The following BAAT variants were observed in gnomAD, a reference collection of about 807,000 sequenced individuals.
The protein encoded by BAAT is bile acid-CoA:amino acid N-acyltransferase.
Under a neutral mutation model 18.9 loss-of-function variants are expected in BAAT, and 13 were observed. That is an observed-to-expected ratio of 0.69 (90% confidence interval 0.45 to 1.10). The LOEUF (loss-of-function observed/expected upper bound fraction) is 1.10. Among genes scored for constraint, BAAT ranks in the 50% least tolerant of loss-of-function variants. BAAT has a pLI of 0.00. For missense variants in BAAT, 489 were observed against 504.0 expected (o/e 0.97, Z 0.28); for synonymous variants, 170 against 190.7 (o/e 0.89, Z 0.89).
intron 1 of BAAT, among the ~76,000 whole-genome samples, chr9:101,383,796 A>T (rs1830164825): frequency 6.6e-6 from 1 of 152,176 alleles, no homozygotes; most frequent in Admixed American, 6.6e-5. Context: ...TGGCACCATT[A>T]GGGCATATTT....
rs144591246 is a variant in BAAT at position 101,370,996 on chromosome 9, C to T, written c.409G>A (p.Val137Ile). 2.4e-3 allele frequency: 3,794 copies of T among 1,614,132 alleles called. 30 individuals are homozygous for T. Among genetic ancestry groups the T allele is most frequent in the Non-Finnish European group, 2.7e-3 (3,240 of 1,180,012 alleles). Residue 137 changes from valine to isoleucine, a missense_variant, in exon 2 of 4, where the codon GTC (valine) becomes ATC (isoleucine). Val to Ile is a conservative substitution (Grantham distance 29). Transcript: ENST00000259407. ...CCTTCTCGAACCTTAATTCGTGTGA[C>T]ACCAGGTGCCACATACCACCTCTCC... ...TLERWYVAPG[V>I]TRIKVREGRL...
chr9:101,362,449 T>C lies in BAAT; in HGVS notation c.1236A>G (p.Pro412=). 1.9e-6 allele frequency: 3 copies of C among 1,614,128 alleles called. No homozygotes were observed. Among genetic ancestry groups the C allele is most frequent in the African/African-American group, 1.3e-5 (1 of 75,044 alleles). The change falls in exon 4 of 4, where the codon CCA becomes CCG. Residue 412 remains proline (P), a synonymous_variant. Coordinates refer to ENST00000259407, the MANE Select transcript of BAAT (RefSeq NM_001701.4). Reference sequence around the variant, plus strand: ...CTTCTTAGAGTTGACTGGTCACATCTGGAATGAGGTGCTTCCTGAGAAATC... The same window carrying C: ...CTTCTTAGAGTTGACTGGTCACATCCGGAATGAGGTGCTTCCTGAGAAATC... ...IQRFLRKHLI[P]DVTSQL is the part of the protein sequence containing the mutation.
Position 101,362,403 on chromosome 9 carries a change from T to C in BAAT, c.*25A>G. On this transcript the variant is annotated 3_prime_UTR_variant, in exon 4 of 4. Coordinates refer to ENST00000259407, the MANE Select transcript of BAAT (RefSeq NM_001701.4). ...GTCCCGGTAAAGAGATTTGCTTCTT[T>C]ATTTTCTAGGAATATCTAGTCTTCT... The C allele has an allele frequency of 3.7e-6, 6 of 1,610,060 alleles. No homozygotes were observed. Among genetic ancestry groups the C allele is most frequent in the Non-Finnish European group, 4.2e-6 (5 of 1,176,722 alleles).
intron 3 of BAAT, among the ~76,000 whole-genome samples, chr9:101,365,195 CCTAGAGAGAAGCATCA>C (rs1829806277): frequency 6.6e-6 from 1 of 152,132 alleles, no homozygotes; most frequent in Non-Finnish European, 1.5e-5. Context: ...AGGACAGAGT[CCTAGAGAGAAGCATCA>C]CTTTTCTAAA....
At position 101,362,391 on chromosome 9, in the gene BAAT, G is replaced by C. The variant is rs775679039; in HGVS notation, c.*37C>G. 1 of 1,596,346 alleles carries C rather than the reference G, an allele frequency of 6.3e-7. No homozygotes were observed. Among genetic ancestry groups the C allele is most frequent in the Non-Finnish European group, 8.6e-7 (1 of 1,165,134 alleles). ...AATTGAGAGAAGGTCCCGGTAAAGA[G>C]ATTTGCTTCTTTATTTTCTAGGAAT... On this transcript the variant is annotated 3_prime_UTR_variant, in exon 4 of 4. Transcript: ENST00000259407.
intron 2 of BAAT, among the ~76,000 whole-genome samples, chr9:101,368,606 C>T (rs1028403360): frequency 4.6e-5 from 7 of 152,034 alleles, no homozygotes; most frequent in Non-Finnish European, 7.4e-5. Flanking sequence ...AATATCTAGA[C>T]GTTTGACTAG....
intron 3 of BAAT, among the ~76,000 whole-genome samples, chr9:101,365,635 C>T (rs917892555): frequency 6.6e-6 from 1 of 152,042 alleles, no homozygotes; most frequent in Non-Finnish European, 1.5e-5. Context: ...CTCTCAGGTT[C>T]AAGCAATTCT....
intron 3 of BAAT, among the ~76,000 whole-genome samples, chr9:101,367,116 G>GAAAAAAAAAAAAAAAA (rs66591298): frequency 1.0e-5 from 1 of 99,672 alleles, no homozygotes; most frequent in Non-Finnish European, 1.9e-5. Flanking sequence ...GTCAAAAAAA[G>GAAAAAAAAAAAAAAAA]AAAAAAAAAA....
intron 1 of BAAT, among the ~76,000 whole-genome samples, chr9:101,380,629 C>G (rs1435549060): frequency 6.6e-6 from 1 of 152,118 alleles, no homozygotes; most frequent in Non-Finnish European, 1.5e-5. Context: ...ATAATCTCTG[C>G]CATTTAATAG....
At chr9:101,377,954 C>T (rs1325586090) in intron 1 of BAAT, among the ~76,000 whole-genome samples, 1 of 151,798 alleles carries the variant, frequency 6.6e-6, no homozygotes, top group Non-Finnish European at 1.5e-5. Flanking sequence ...ATTACTATAC[C>T]AATATTAGAC....
intron 1 of BAAT, among the ~76,000 whole-genome samples, chr9:101,379,691 A>G (rs1830101432): frequency 6.6e-6 from 1 of 152,214 alleles, no homozygotes; most frequent in African/African-American, 2.4e-5. Context: ...TTACTTGCCT[A>G]CAATTTGGAC....
chr9:101,382,260 G>C (rs897588367), intron 1 of BAAT, among the ~76,000 whole-genome samples: 2 of 152,132 alleles, frequency 1.3e-5, no homozygotes, highest in African/African-American at 4.8e-5. Context: ...CAGCTTTCAG[G>C]AACTGGGCGA....
In BAAT at chr9:101,372,623, G is replaced by GTTT. The variant is rs5899439; in HGVS notation, c.-59-1163_-59-1161dup. Among the ~76,000 whole-genome samples the GTTT allele has an allele frequency of 3.1e-3, 419 of 134,238 alleles. 7 individuals carry two copies. Among genetic ancestry groups the GTTT allele is most frequent in the African/African-American group, 0.011 (395 of 36,096 alleles). The allele number at this position is 134,238 out of a possible 152,430, so 88.1% of individuals were successfully genotyped here. On this transcript the variant is annotated intron_variant, in intron 1 of 3. Transcript: ENST00000259407. ...TACAAAATTAGTTTTGGGGTTGTTG[G>GTTT]TTTTTTTTTTTTTTTTGGTCTTTAT... is the stretch of plus-strand genomic sequence containing the variant.
chr9:101,372,623 G>GTTTTTTTTTTTTTTTTTTGTT (rs5899439), intron 1 of BAAT, among the ~76,000 whole-genome samples: 1 of 134,210 alleles, frequency 7.5e-6, no homozygotes, highest in South Asian at 2.4e-4. Context: ...GGGGTTGTTG[G>GTTTTTTTTTTTTTTTTTTGTT]TTTTTTTTTT....
In BAAT at chr9:101,362,280, T is replaced by C; in HGVS notation, c.*148A>G. 1 of 813,914 alleles carries C rather than the reference T, an allele frequency of 1.2e-6. No homozygotes were observed. Among genetic ancestry groups the C allele is most frequent in the Non-Finnish European group, 2.0e-6 (1 of 512,712 alleles). The allele number at this position is 813,914 out of a possible 1,614,324, so 50.4% of individuals were successfully genotyped here. A position where few individuals can be genotyped will look rare whatever the true frequency, so the allele number is the denominator to read the frequency against. On this transcript the variant is annotated 3_prime_UTR_variant, in exon 4 of 4. Transcript: ENST00000259407. ...CTTGTTATGCAGTATAAGTGAAATA[T>C]CAGGTTTTTACCCTATGCTCTTTTT...
At chr9:101,367,502 C>CCT (rs1829850608) in intron 3 of BAAT, among the ~76,000 whole-genome samples, 4 of 144,626 alleles carry the variant, frequency 2.8e-5, no homozygotes, top group South Asian at 4.4e-4. Context: ...ATGCATTATC[C>CCT]TTTTTTTTTT....
chr9:101,372,597 C>T (rs1829971691), intron 1 of BAAT, among the ~76,000 whole-genome samples: 1 of 148,074 alleles, frequency 6.8e-6, no homozygotes, highest in African/African-American at 2.5e-5. Flanking sequence ...TCTGCATAAA[C>T]TACAAAATTA....
chr9:101,371,255 A>G lies in BAAT; in HGVS notation c.150T>C (p.Tyr50=), dbSNP rs1282625916. The part of the protein sequence containing the change: ...NGDMFYSQAH[Y]RANEFGEVDL... ...CCACCTCACCGAATTCATTGGCCCT[A>G]TAGTGGGCTTGAGAATAAAACATGT... Residue 50 remains tyrosine, a synonymous_variant, in exon 2 of 4, where the codon TAT becomes TAC. Transcript: ENST00000259407. The G allele has an allele frequency of 3.7e-6, 6 of 1,613,340 alleles. No homozygotes were observed. Among genetic ancestry groups the G allele is most frequent in the South Asian group, 1.1e-5 (1 of 91,072 alleles).
At chr9:101,382,531 G>A (rs914618176) in intron 1 of BAAT, among the ~76,000 whole-genome samples, 84 of 152,274 alleles carry the variant, frequency 5.5e-4, no homozygotes, top group Middle Eastern at 3.4e-3. Context: ...AAGGATGAAC[G>A]AGGCACTTGA....
Sources: gnomAD v4.1 joint callset for allele counts (sites outside exome capture counted in the v4.1 genomes callset) on GRCh38, gnomAD v4.1.1 for gene constraint, MANE v1.5 for transcripts, NCBI Gene and HGNC (gene_info 2026-07-23, HGNC 2026-07-21) for gene names.